FHIP1A: variants seen among roughly 807,000 people sequenced by gnomAD.
The protein encoded by FHIP1A is FHF complex subunit HOOK-interacting protein 1A.
FHIP1A carries 61 observed loss-of-function variants against 88.6 expected under a neutral mutation model. That is an observed-to-expected ratio of 0.69 (90% CI 0.56 to 0.85). FHIP1A has a LOEUF of 0.85. Ranked by LOEUF, FHIP1A falls within the 40% of genes least tolerant of loss-of-function variation. FHIP1A has a pLI of 0.00. For synonymous variants in FHIP1A, 478 were observed against 496.0 expected, an observed-to-expected ratio of 0.96 and a Z score of 0.48; for missense variants, 1,154 against 1,273.5, an observed-to-expected ratio of 0.91 and a Z score of 1.43.
intron 5 of FHIP1A, among the ~76,000 whole-genome samples, chr4:151,579,089 A>G (rs1183153650): frequency 3.3e-5 from 5 of 152,160 alleles, no homozygotes. Flanking sequence ...TCCCCTGAGC[A>G]TTGGGGCAGG....
Position 151,663,299 on chromosome 4 carries a change from A to C in FHIP1A, c.*545A>C, listed in dbSNP as rs1294073971. 1 of 152,282 alleles carries C rather than the reference A, an allele frequency of 6.6e-6. No individual in the cohort carries two copies. The highest frequency in any genetic ancestry group is 1.9e-4 in the East Asian group (1 of 5,190). The allele number at this position is 152,282 out of a possible 1,614,324, so 9.4% of individuals were successfully genotyped here. On this transcript the variant is annotated 3_prime_UTR_variant, in exon 14 of 14. Coordinates refer to ENST00000435205, the MANE Select transcript of FHIP1A (RefSeq NM_001109977.3). ...ATCTGTCCCTTTGGATTTTACTTCC[A>C]GGACGTGTGTCGTCCCCAGCGTGTG...
chr4:151,631,794 AACT>A (rs1043567096), intron 8 of FHIP1A, among the ~76,000 whole-genome samples: 1 of 152,192 alleles, frequency 6.6e-6, no homozygotes, highest in African/African-American at 2.4e-5. Context: ...AGAAAACTCC[AACT>A]ACTGACTTTT....
At chr4:151,458,819 AC>A (rs1729053358) in intron 2 of FHIP1A, among the ~76,000 whole-genome samples, 1 of 152,034 alleles carries the variant, frequency 6.6e-6, no homozygotes, top group Non-Finnish European at 1.5e-5. Context: ...CTACTCACAC[AC>A]CACAGAGTCG....
At chr4:151,594,016 A>G (rs1156942969) in intron 7 of FHIP1A, among the ~76,000 whole-genome samples, 3 of 152,196 alleles carry the variant, frequency 2.0e-5, no homozygotes, top group Non-Finnish European at 2.9e-5. Context: ...CTATTGAGAT[A>G]ATCATGTGGT....
intron 7 of FHIP1A, 128 bp from the exon 8 acceptor site, chr4:151,629,574 G>A: frequency 1.4e-6 from 1 of 701,636 alleles, no homozygotes; most frequent in Non-Finnish European, 2.4e-6. Flanking sequence ...GCTCTGAAGT[G>A]TGTTTTCGTG....
intron 5 of FHIP1A, among the ~76,000 whole-genome samples, chr4:151,582,670 G>C (rs958909606): frequency 3.3e-5 from 5 of 152,056 alleles, no homozygotes; most frequent in African/African-American, 1.2e-4. Context: ...AGATTCTTGA[G>C]GGAAAATAAG....
intron 7 of FHIP1A, among the ~76,000 whole-genome samples, chr4:151,625,739 G>A (rs975104566): frequency 6.6e-5 from 10 of 152,106 alleles, no homozygotes; most frequent in African/African-American, 1.4e-4. Context: ...AAAACACACT[G>A]TCCATTTTGC....
chr4:151,663,078 C>T lies in FHIP1A; in HGVS notation c.*324C>T, dbSNP rs1027334720. 3 of 201,782 alleles carry T rather than the reference C, an allele frequency of 1.5e-5. No homozygotes were observed. Among genetic ancestry groups the T allele is most frequent in the Non-Finnish European group, 3.0e-5 (3 of 100,974 alleles). The allele number at this position is 201,782 out of a possible 1,614,324, so 12.5% of individuals were successfully genotyped here. On this transcript the variant is annotated 3_prime_UTR_variant, in exon 14 of 14. Coordinates refer to ENST00000435205, the MANE Select transcript of FHIP1A (RefSeq NM_001109977.3). ...TTCTTGCAGCTCAGATCACGTCAAG[C>T]AGATATTGGGGTTCAGTGATGTCTG...
intron 3 of FHIP1A, among the ~76,000 whole-genome samples, chr4:151,504,381 C>T (rs1730752440): frequency 6.6e-6 from 1 of 152,038 alleles, no homozygotes; most frequent in Admixed American, 6.6e-5. Context: ...ACACTGGGCC[C>T]TCAGTGGTTT....
intron 13 of FHIP1A, among the ~76,000 whole-genome samples, chr4:151,659,888 A>G (rs980871935): frequency 6.6e-6 from 1 of 152,146 alleles, no homozygotes. Context: ...CCACATTATT[A>G]TTCTTGAGGC....
At chr4:151,627,521 G>T (rs1465761925) in intron 7 of FHIP1A, among the ~76,000 whole-genome samples, 1 of 152,224 alleles carries the variant, frequency 6.6e-6, no homozygotes, top group Non-Finnish European at 1.5e-5. Flanking sequence ...TTGTGTTACA[G>T]AAACTACATA....
intron 3 of FHIP1A, among the ~76,000 whole-genome samples, chr4:151,489,641 A>G (rs1730212376): frequency 6.6e-6 from 1 of 152,108 alleles, no homozygotes; most frequent in Non-Finnish European, 1.5e-5. Flanking sequence ...TTATCGAGGC[A>G]TGGTGGGAGT....
intron 9 of FHIP1A, among the ~76,000 whole-genome samples, chr4:151,639,596 G>A (rs926356485): frequency 3.3e-5 from 5 of 152,058 alleles, no homozygotes; most frequent in Non-Finnish European, 5.9e-5. Context: ...CTTCTTTTTG[G>A]TAAACCCAGA....
intron 3 of FHIP1A, among the ~76,000 whole-genome samples, chr4:151,497,631 T>C (rs1026498622): frequency 2.0e-5 from 3 of 152,244 alleles, no homozygotes; most frequent in Non-Finnish European, 2.9e-5. Flanking sequence ...CTTGTGTGTG[T>C]GTGTGTGCAC....
intron 1 of FHIP1A, among the ~76,000 whole-genome samples, chr4:151,441,385 G>A (rs921938891): frequency 2.0e-5 from 3 of 151,464 alleles, no homozygotes; most frequent in African/African-American, 7.3e-5. Context: ...TTAATACCTA[G>A]TAATAGTAAT....
chr4:151,630,850 CAGAA>C lies in FHIP1A; in HGVS notation c.1146+987_1146+990del, dbSNP rs1386965457. Among the ~76,000 whole-genome samples the C allele has an allele frequency of 7.2e-5, 11 of 152,170 alleles. No homozygotes were observed. In the East Asian group the frequency reaches 1.2e-3, roughly 16 times the overall value. ...TGGATGGAAATTAAAAAATTATTGA[CAGAA>C]AGAAATTTGGGAAATTCACAAGTAT... On this transcript the variant is annotated intron_variant, in intron 8 of 13. Transcript: ENST00000435205.
At chr4:151,412,990 T>C (rs1732726982) in intron 1 of FHIP1A, among the ~76,000 whole-genome samples, 1 of 152,026 alleles carries the variant, frequency 6.6e-6, no homozygotes, top group Non-Finnish European at 1.5e-5. Flanking sequence ...GGCCCTCTTA[T>C]TTCTTATTAA....
chr4:151,627,311 T>C (rs1337831125), intron 7 of FHIP1A, among the ~76,000 whole-genome samples: 1 of 152,228 alleles, frequency 6.6e-6, no homozygotes, highest in Non-Finnish European at 1.5e-5. Flanking sequence ...TAGTAAACAA[T>C]AGATACTTAA....
intron 2 of FHIP1A, among the ~76,000 whole-genome samples, chr4:151,479,025 A>G (rs1398194387): frequency 6.6e-6 from 1 of 152,090 alleles, no homozygotes; most frequent in Non-Finnish European, 1.5e-5. Flanking sequence ...GGTAAAAAAG[A>G]ATTGTATGAA....
Sources: gnomAD v4.1 joint callset for allele counts (sites outside exome capture counted in the v4.1 genomes callset) on GRCh38, gnomAD v4.1.1 for gene constraint, MANE v1.5 for transcripts, NCBI Gene and HGNC (gene_info 2026-07-23, HGNC 2026-07-21) for gene names.